Variants in ANKRD60 observed in about 807,000 individuals in gnomAD.
ANKRD60 encodes ankyrin repeat domain-containing protein 60.
A neutral mutation model predicts 21.3 loss-of-function variants in ANKRD60; 24 were observed. The ratio of observed to expected loss-of-function variants is 1.13; its 90% CI spans 0.82 to 1.59. The LOEUF (loss-of-function observed/expected upper bound fraction) is 1.59, where lower values mean the gene tolerates loss of function less well. Ranked by LOEUF, ANKRD60 falls within the 40% of genes most tolerant of loss-of-function variation. The probability of loss-of-function intolerance (pLI) is 0.00; values close to 1 mark genes in which losing one functional copy is unlikely to be tolerated. For synonymous variants in ANKRD60, 182 were observed against 199.4 expected (o/e 0.91, Z 0.74); for missense variants, 490 against 466.7 (o/e 1.05, Z -0.46).
chr20:58,224,456 A>T (rs670144), intron 1 of ANKRD60, among the ~76,000 whole-genome samples: 48,608 of 152,040 alleles, frequency 0.32, 8,418 homozygotes, highest in South Asian at 0.44. Context: ...AGGTTTGTTA[A>T]CTCCATCTGC....
chr20:58,217,215 G>A (rs1984154623), downstream of ANKRD60, among the ~76,000 whole-genome samples: 2 of 152,158 alleles, frequency 1.3e-5, no homozygotes. Flanking sequence ...CAGATCATGA[G>A]GTCAGGAGTT....
intron 1 of ANKRD60, among the ~76,000 whole-genome samples, chr20:58,226,318 T>A (rs987677886): frequency 1.3e-5 from 2 of 151,958 alleles, no homozygotes; most frequent in Non-Finnish European, 2.9e-5. Context: ...GGGCAGGACT[T>A]GTTTTGGGAT....
chr20:58,223,313 A>C, intron 1 of ANKRD60, 131 bp from the exon 2 acceptor site: 160 of 816,572 alleles, frequency 2.0e-4, no homozygotes, highest in Middle Eastern at 3.4e-4. Flanking sequence ...TACAAATCTC[A>C]TTTGATGGTG....
chr20:58,223,043 T>A lies in ANKRD60; in HGVS notation c.561+9A>T, dbSNP rs775984356. On this transcript the variant is annotated intron_variant, in intron 2 of 3. Transcript: ENST00000457363. ...CGTATAATATCCATTTAAAGAAGCT[T>A]GAAAACACCTTGCTGGGATCCCCTT... 9 of 1,543,238 alleles carry A rather than the reference T, an allele frequency of 5.8e-6. No individual in the cohort carries two copies. The South Asian group carries it at 1.1e-4, about 19-fold the overall frequency.
chr20:58,222,100 G>A (rs79950729), intron 2 of ANKRD60, among the ~76,000 whole-genome samples: 15 of 152,190 alleles, frequency 9.9e-5, no homozygotes, highest in Admixed American at 7.2e-4. Context: ...GAATCGAGAC[G>A]AGGATGATGG....
At chr20:58,222,146 C>T (rs1283024311) in intron 2 of ANKRD60, among the ~76,000 whole-genome samples, 1 of 152,116 alleles carries the variant, frequency 6.6e-6, no homozygotes, top group Non-Finnish European at 1.5e-5. Flanking sequence ...GGAGGTGACC[C>T]CTGCAGCCAG....
chr20:58,218,621 C>T, exon 4 of ANKRD60: 1 of 1,551,804 alleles, frequency 6.4e-7, no homozygotes, highest in Non-Finnish European at 8.7e-7. Context: ...GGAGGACCAT[C>T]TGCCTCTCGC....
At chr20:58,221,314 T>G in intron 3 of ANKRD60, 24 bp downstream of exon 3, 1 of 1,545,134 alleles carries the variant, frequency 6.5e-7, no homozygotes, top group East Asian at 2.5e-5. Flanking sequence ...CTCATGAATA[T>G]AGCAAGCTTT....
rs550894612 is a variant in ANKRD60 at position 58,220,674 on chromosome 20, G to T, written c.727+664C>A. 4.7e-5 allele frequency among the ~76,000 whole-genome samples: 7 copies of T among 149,958 alleles called. No homozygotes were observed. In the East Asian group the frequency reaches 6.0e-4, roughly 13 times the overall value. On this transcript the variant is annotated intron_variant, in intron 3 of 3. Transcript: ENST00000457363. The stretch of plus-strand genomic sequence containing the variant: ...TGGCTGGAAGGTGGACTATTTTGGG[G>T]TTTTTTCTAGTGTGTGTGTGTGTGT...
chr20:58,223,037 G>A lies in ANKRD60; in HGVS notation c.561+15C>T, dbSNP rs2122807899. The stretch of plus-strand genomic sequence containing the variant: ...TCGTAACGTATAATATCCATTTAAA[G>A]AAGCTTGAAAACACCTTGCTGGGAT... On this transcript the variant is annotated intron_variant, in intron 2 of 3. Transcript: ENST00000457363. 1.3e-6 allele frequency: 2 copies of A among 1,541,632 alleles called. No homozygotes were observed. The highest frequency in any genetic ancestry group is 1.4e-5 in the African/African-American group (1 of 72,302).
intron 1 of ANKRD60, among the ~76,000 whole-genome samples, chr20:58,225,511 GA>G (rs928664260): frequency 1.3e-5 from 2 of 152,282 alleles, no homozygotes; most frequent in Non-Finnish European, 2.9e-5. Context: ...GAGAGAAAAG[GA>G]AGGTATTTTG....
rs147147021 is a variant in ANKRD60 at position 58,226,067 on chromosome 20, C to A, written c.430+2157G>T. ...TTTCGGTTCTGGGTTCTGATTCCAG[C>A]TGGGCTAGCTTTGAGCTCCCGATGT... On this transcript the variant is annotated intron_variant, in intron 1 of 3. Coordinates refer to ENST00000457363, the Ensembl canonical transcript of ANKRD60. Among the ~76,000 whole-genome samples, 34 of 152,268 alleles carry A rather than the reference C, an allele frequency of 2.2e-4. 1 individual carries two copies. The East Asian group carries it at 6.4e-3, about 29-fold the overall frequency.
intron 1 of ANKRD60, among the ~76,000 whole-genome samples, chr20:58,227,385 A>T (rs1984386340): frequency 6.6e-6 from 1 of 151,722 alleles, no homozygotes; most frequent in African/African-American, 2.4e-5. Context: ...GCATCCTTGC[A>T]AGACAAAAGT....
chr20:58,218,523 G>A (rs976721332), exon 4 of ANKRD60: 1 of 1,551,640 alleles, frequency 6.4e-7, no homozygotes, highest in Non-Finnish European at 8.7e-7. Context: ...CATCTTCTCA[G>A]ACCTAAACCC....
Position 58,228,607 on chromosome 20 carries a change from GC to G in ANKRD60, c.46del (p.Ala16ArgfsTer101). The G allele has an allele frequency of 1.0e-6, 1 of 1,000,420 alleles. No individual in the cohort carries two copies. The highest frequency in any genetic ancestry group is 8.4e-5 in the East Asian group (1 of 11,974). The allele number at this position is 1,000,420 out of a possible 1,614,324, so 62.0% of individuals were successfully genotyped here. A position where few individuals can be genotyped will look rare whatever the true frequency, so the allele number is the denominator to read the frequency against. On this transcript the variant is annotated frameshift_variant, in exon 1 of 4. Coordinates refer to ENST00000457363, the Ensembl canonical transcript of ANKRD60. LOFTEE classifies it high-confidence loss of function. The surrounding 1 kb of genome is among the most constrained non-coding windows in gnomAD (Gnocchi z 5.3). The stretch of plus-strand genomic sequence containing the variant: ...TGGCCCCGCCGCCCGCGCTCCGCCC[GC>G]CCCCGCCGCCGCCCGCCGCATCCCC...
At chr20:58,223,813 A>G (rs1984311764) in intron 1 of ANKRD60, among the ~76,000 whole-genome samples, 1 of 152,104 alleles carries the variant, frequency 6.6e-6, no homozygotes, top group African/African-American at 2.4e-5. Flanking sequence ...ACAATCAAAC[A>G]TGCCTCCAGG....
At chr20:58,220,741 A>G (rs1163258816) in intron 3 of ANKRD60, among the ~76,000 whole-genome samples, 16 of 147,870 alleles carry the variant, frequency 1.1e-4, no homozygotes, top group Non-Finnish European at 8.9e-5. Flanking sequence ...GTAGTCTCCT[A>G]TCTCAGCCTC....
chr20:58,223,283 A>G (rs1157701375), intron 1 of ANKRD60, 101 bp from the exon 2 acceptor site: 1 of 1,008,336 alleles, frequency 9.9e-7, no homozygotes, highest in African/African-American at 1.6e-5. Context: ...TGCCACAAAG[A>G]TAATTTTAGA....
chr20:58,223,174 T>C, exon 2 of ANKRD60: 1 of 1,542,758 alleles, frequency 6.5e-7, no homozygotes, highest in Non-Finnish European at 8.7e-7. Context: ...GTGTCATCCA[T>C]CAAAACTCCT....
Sources: gnomAD v4.1 joint callset for allele counts (sites outside exome capture counted in the v4.1 genomes callset) on GRCh38, gnomAD v4.1.1 for gene constraint, Gnocchi (gnomAD v3.1) non-coding constraint, MANE v1.5 for transcripts, NCBI Gene and HGNC (gene_info 2026-07-23, HGNC 2026-07-21) for gene names.